PPP1R12A: variants seen among roughly 807,000 people sequenced by gnomAD.
PPP1R12A encodes the protein protein phosphatase 1 regulatory subunit 12A, also known as myosin binding subunit.
Under a neutral mutation model 139.6 loss-of-function variants are expected in PPP1R12A, and 19 were observed. The ratio of observed to expected loss-of-function variants is 0.14; its 90% CI spans 0.09 to 0.20. The LOEUF (loss-of-function observed/expected upper bound fraction) is 0.20. Ranked by LOEUF, PPP1R12A falls within the 10% of genes least tolerant of loss-of-function variation. The pLI is 1.00. For missense variants in PPP1R12A, 925 were observed against 1,211.5 expected (o/e 0.76, Z 3.51); for synonymous variants, 427 against 420.6 (o/e 1.02, Z -0.19).
intron 1 of PPP1R12A, among the ~76,000 whole-genome samples, chr12:79,928,259 T>G (rs957189914): frequency 6.6e-6 from 1 of 152,174 alleles, no homozygotes; most frequent in African/African-American, 2.4e-5. Context: ...AAGATGGTCT[T>G]GGTTATGACA....
rs78713427 is a variant in PPP1R12A, at chr12:79,908,241, G to C, written c.237+26454C>G. ...TTCATTTCTATTTAAAACAGGGCGA[G>C]GATCCAAAGCACTGTATTTAATTAT... On this transcript the variant is annotated intron_variant, in intron 1 of 24. Coordinates refer to ENST00000450142, the MANE Select transcript of PPP1R12A (RefSeq NM_002480.3). Among the ~76,000 whole-genome samples, 1,327 of 152,222 alleles carry C rather than the reference G, an allele frequency of 8.7e-3. 22 individuals are homozygous for C. Among genetic ancestry groups the C allele is most frequent in the African/African-American group, 0.031 (1,276 of 41,516 alleles).
chr12:79,803,144 ACATT>A (rs1309135464), intron 14 of PPP1R12A, among the ~76,000 whole-genome samples: 6 of 152,248 alleles, frequency 3.9e-5, no homozygotes, highest in East Asian at 3.8e-4. Flanking sequence ...TTTCCATATG[ACATT>A]CATCCCAAAT....
chr12:79,850,007 A>T (rs1195890083), intron 2 of PPP1R12A, among the ~76,000 whole-genome samples: 2 of 151,924 alleles, frequency 1.3e-5, no homozygotes, highest in African/African-American at 4.8e-5. Flanking sequence ...AAAAAAAAAA[A>T]TTTAGGGATG....
chr12:79,853,729 T>G (rs1880312969), intron 2 of PPP1R12A, among the ~76,000 whole-genome samples: 1 of 152,228 alleles, frequency 6.6e-6, no homozygotes, highest in Non-Finnish European at 1.5e-5. Flanking sequence ...GAAAACCATG[T>G]ATTTATTAAA....
At chr12:79,878,607 A>C (rs1177646163) in intron 1 of PPP1R12A, among the ~76,000 whole-genome samples, 26 of 152,188 alleles carry the variant, frequency 1.7e-4, no homozygotes, top group Admixed American at 1.7e-3. Flanking sequence ...ACAGTTCCAC[A>C]CAGCTGGGGT....
chr12:79,900,759 A>T (rs1031081102), intron 1 of PPP1R12A, among the ~76,000 whole-genome samples: 1 of 152,198 alleles, frequency 6.6e-6, no homozygotes, highest in Non-Finnish European at 1.5e-5. Flanking sequence ...ATGTACCAAA[A>T]TCAATGCAGC....
chr12:79,927,844 A>G (rs1887960552), intron 1 of PPP1R12A, among the ~76,000 whole-genome samples: 2 of 152,198 alleles, frequency 1.3e-5, no homozygotes, highest in Non-Finnish European at 2.9e-5. Flanking sequence ...GAGTTCTTCA[A>G]CCTTTCAAAG....
intron 14 of PPP1R12A, among the ~76,000 whole-genome samples, chr12:79,805,103 TA>T (rs1873663291): frequency 6.6e-6 from 1 of 152,240 alleles, no homozygotes; most frequent in Admixed American, 6.5e-5. Context: ...TACTCAAAAT[TA>T]TTTGGCTTAC....
intron 11 of PPP1R12A, 128 bp from the exon 12 acceptor site, chr12:79,807,458 A>G: frequency 5.0e-6 from 3 of 604,016 alleles, no homozygotes; most frequent in Non-Finnish European, 8.6e-6. Flanking sequence ...TAGGAATACT[A>G]ATCAAGAAGA....
At chr12:79,847,659 T>C (rs559694162) in intron 2 of PPP1R12A, among the ~76,000 whole-genome samples, 1 of 152,290 alleles carries the variant, frequency 6.6e-6, no homozygotes, top group African/African-American at 2.4e-5. Context: ...GTTTATAGTC[T>C]AGTAAGACAG....
intron 4 of PPP1R12A, among the ~76,000 whole-genome samples, chr12:79,831,223 TAAA>T (rs777037009): frequency 1.4e-4 from 22 of 151,752 alleles, no homozygotes; most frequent in Non-Finnish European, 2.9e-4. Flanking sequence ...AGAAAACTAA[TAAA>T]AAGGCAACAC....
At position 79,872,860 on chromosome 12, in the gene PPP1R12A, C is replaced by T. The variant is rs1418875618; in HGVS notation, c.316G>A (p.Gly106Ser). The change falls in exon 2 of 25, where the codon GGC (glycine) becomes AGC (serine). Residue 106 changes from glycine to serine, a missense_variant. Physicochemically the swap from Gly to Ser is moderately conservative, Grantham distance 56. Coordinates refer to ENST00000450142, the MANE Select transcript of PPP1R12A (RefSeq NM_002480.3). ...GANINQPDNEGWIPLHAAASC... is the reference protein window; with the variant it reads ...GANINQPDNESWIPLHAAASC... ...GCTGCTGCATGTAGTGGTATCCAGC[C>T]TTCATTATCAGGTTGATTAATATTT... 1 of 1,613,392 alleles carries T rather than the reference C, an allele frequency of 6.2e-7. No homozygotes were observed. Among genetic ancestry groups the T allele is most frequent in the East Asian group, 2.2e-5 (1 of 44,822 alleles).
chr12:79,831,273 G>T (rs903736792), intron 4 of PPP1R12A, among the ~76,000 whole-genome samples: 2 of 152,064 alleles, frequency 1.3e-5, no homozygotes, highest in African/African-American at 4.8e-5. Context: ...CTAAATTATT[G>T]AAGTTGAATA....
intron 2 of PPP1R12A, among the ~76,000 whole-genome samples, chr12:79,861,137 G>A (rs921901752): frequency 6.6e-5 from 10 of 152,152 alleles, no homozygotes; most frequent in Non-Finnish European, 8.8e-5. Context: ...GCCTTGGGCA[G>A]GAATATAAAA....
At chr12:79,934,563 C>A (rs1052529286) in intron 1 of PPP1R12A, 132 bp downstream of exon 1, 4 of 867,402 alleles carry the variant, frequency 4.6e-6, no homozygotes, top group Non-Finnish European at 5.1e-6. Context: ...CTGGGGAAAC[C>A]GCCCCCTCAC....
At chr12:79,781,725 C>T (rs1369642688) in intron 23 of PPP1R12A, 90 bp downstream of exon 23, 1 of 691,938 alleles carries the variant, frequency 1.4e-6, no homozygotes, top group Non-Finnish European at 2.3e-6. Flanking sequence ...AAACTGTCAT[C>T]CATAATAACA....
intron 2 of PPP1R12A, among the ~76,000 whole-genome samples, chr12:79,864,308 C>T (rs892780813): frequency 4.6e-5 from 7 of 152,078 alleles, no homozygotes; most frequent in Non-Finnish European, 8.8e-5. Context: ...AAAGACACAA[C>T]GTACCAGAAT....
chr12:79,849,336 G>A (rs752178516), intron 2 of PPP1R12A, among the ~76,000 whole-genome samples: 5 of 151,970 alleles, frequency 3.3e-5, no homozygotes, highest in Non-Finnish European at 5.9e-5. Context: ...GTAGTGAGCC[G>A]AGATTGTGCC....
chr12:79,874,004 G>A (rs760803050), intron 1 of PPP1R12A, among the ~76,000 whole-genome samples: 26 of 152,136 alleles, frequency 1.7e-4, no homozygotes, highest in African/African-American at 2.4e-4. Flanking sequence ...CGCCAGGCGC[G>A]GTGGCTCACG....
Sources: allele counts gnomAD v4.1 joint callset (sites outside exome capture counted in the v4.1 genomes callset), GRCh38; gene constraint gnomAD v4.1.1; transcripts MANE v1.5; gene names NCBI Gene and HGNC (gene_info 2026-07-23, HGNC 2026-07-21).